The following MBD5 variants were observed in gnomAD, a reference collection of about 807,000 sequenced individuals.
MBD5 encodes methyl-CpG binding domain protein 5.
Under a neutral mutation model 117.3 loss-of-function variants are expected in MBD5, and 13 were observed. The ratio of observed to expected loss-of-function variants is 0.11; its 90% confidence interval spans 0.07 to 0.18. MBD5 has a LOEUF of 0.18. Among genes scored for constraint, MBD5 ranks in the 10% least tolerant of loss-of-function variants. The pLI, the probability that MBD5 is intolerant of heterozygous loss-of-function variation, is 1.00. For missense variants in MBD5, 1,879 were observed against 2,093.8 expected, an observed-to-expected ratio of 0.90 and a Z score of 2.00; for synonymous variants, 727 against 766.4, an observed-to-expected ratio of 0.95 and a Z score of 0.85.
At chr2:148,155,195 T>G (rs897158958) in intron 1 of MBD5, among the ~76,000 whole-genome samples, 1 of 152,178 alleles carries the variant, frequency 6.6e-6, no homozygotes, top group African/African-American at 2.4e-5. Flanking sequence ...CTAAGTAGGA[T>G]GCTTAGGGAA....
chr2:148,185,354 G>A (rs191862202), intron 2 of MBD5, among the ~76,000 whole-genome samples: 1 of 152,062 alleles, frequency 6.6e-6, no homozygotes, highest in African/African-American at 2.4e-5. Context: ...TTTGGAGAGG[G>A]AACCAGACAG....
chr2:148,180,366 ATATG>A (rs1698502398), intron 2 of MBD5, among the ~76,000 whole-genome samples: 1 of 141,816 alleles, frequency 7.1e-6, no homozygotes, highest in African/African-American at 2.6e-5. Flanking sequence ...ATATATGTAT[ATATG>A]TATCTTTTAC....
At chr2:148,510,037 T>C (rs772244468) in intron 12 of MBD5, 23 bp from the exon 13 acceptor site, 15 of 1,525,262 alleles carry the variant, frequency 9.8e-6, no homozygotes, top group Non-Finnish European at 1.4e-5. Flanking sequence ...TTTAATCTGG[T>C]GTGTTGTTTT....
chr2:148,487,008 A>G (rs1390018254), intron 10 of MBD5, among the ~76,000 whole-genome samples: 4 of 152,220 alleles, frequency 2.6e-5, no homozygotes, highest in Admixed American at 2.6e-4. Flanking sequence ...AGTGCAATAT[A>G]ATTTGAGGTG....
chr2:148,427,797 A>G (rs1177861061), intron 4 of MBD5, among the ~76,000 whole-genome samples: 1 of 152,148 alleles, frequency 6.6e-6, no homozygotes, highest in African/African-American at 2.4e-5. Context: ...AATAAAAATA[A>G]AAAAGAATAA....
chr2:148,440,476 G>C (rs1706285388), intron 4 of MBD5, among the ~76,000 whole-genome samples: 1 of 152,132 alleles, frequency 6.6e-6, no homozygotes, highest in East Asian at 1.9e-4. Context: ...AGTTTTGATT[G>C]AATACATGCC....
At position 148,483,618 on chromosome 2, in the gene MBD5, T is replaced by C. The variant is rs1681237605; in HGVS notation, c.3027T>C (p.Asn1009=). The C allele has an allele frequency of 6.4e-7, 1 of 1,552,490 alleles. No individual in the cohort carries two copies. The highest frequency in any genetic ancestry group is 8.7e-7 in the Non-Finnish European group (1 of 1,147,800). The change falls in exon 9 of 14, where the codon AAT becomes AAC. Residue 1009 remains asparagine (N), a synonymous_variant. Coordinates refer to ENST00000642680, the MANE Select transcript of MBD5 (RefSeq NM_001378120.1). The stretch of plus-strand genomic sequence containing the variant: ...CCATGCTTCCCCTGCCATCTTTCAA[T>C]CTGACCATCTCAGATCTTTTGCAAC... The part of the protein sequence containing the change: ...AAAMLPLPSF[N]LTISDLLQQQ...
intron 1 of MBD5, chr2:148,062,281 C>A (rs1695057705): frequency 6.6e-6 from 1 of 151,200 alleles, no homozygotes; most frequent in South Asian, 2.1e-4. Flanking sequence ...TGACAGTAAT[C>A]CCTAGAATCT....
intron 1 of MBD5, among the ~76,000 whole-genome samples, chr2:148,085,991 C>A (rs1205828528): frequency 6.6e-6 from 1 of 152,058 alleles, no homozygotes; most frequent in Non-Finnish European, 1.5e-5. Flanking sequence ...AGCTCAACTT[C>A]CATGATACTG....
At chr2:148,024,976 A>G (rs1693856570) in intron 1 of MBD5, 1 of 152,128 alleles carries the variant, frequency 6.6e-6, no homozygotes, top group Non-Finnish European at 1.5e-5. Context: ...ACAATTATCA[A>G]CTTTCCAGTT....
chr2:148,132,195 C>T (rs1353490429), intron 1 of MBD5, among the ~76,000 whole-genome samples: 1 of 151,890 alleles, frequency 6.6e-6, no homozygotes, highest in Non-Finnish European at 1.5e-5. Context: ...ATAGTCAAAA[C>T]TATTGTTAGA....
At chr2:148,430,558 T>C (rs901313190) in intron 4 of MBD5, among the ~76,000 whole-genome samples, 2 of 152,168 alleles carry the variant, frequency 1.3e-5, no homozygotes, top group Non-Finnish European at 2.9e-5. Context: ...TATTTATCCA[T>C]TTTTGAGAAA....
intron 4 of MBD5, among the ~76,000 whole-genome samples, chr2:148,395,648 C>T (rs1704690429): frequency 6.6e-6 from 1 of 152,148 alleles, no homozygotes; most frequent in South Asian, 2.1e-4. Context: ...TGGTCTCGAA[C>T]TCCTGACCTC....
Position 148,469,846 on chromosome 2 carries a change from G to A in MBD5, c.1903G>A (p.Gly635Ser). Residue 635 changes from glycine (G) to serine (S), a missense_variant, in exon 8 of 14, where the codon GGT becomes AGT. By Grantham distance (56) the Gly-to-Ser change is moderately conservative. Around this residue, in one of 4 missense-constraint regions of MBD5, gnomAD observed 1,666 missense variants for 1,792.2 expected, o/e 0.93. Coordinates refer to ENST00000642680, the MANE Select transcript of MBD5 (RefSeq NM_001378120.1). ...TACTGCCAACATGCTTCTCCCAACAGGTGAAGGGCAAAGTGGTCGAGCAGC... is the reference window on the plus strand; with the variant it reads ...TACTGCCAACATGCTTCTCCCAACAAGTGAAGGGCAAAGTGGTCGAGCAGC... ...PPTANMLLPT[G>S]EGQSGRAALR... The A allele has an allele frequency of 6.2e-7, 1 of 1,613,926 alleles. No homozygotes were observed.
intron 4 of MBD5, among the ~76,000 whole-genome samples, chr2:148,452,940 A>G (rs1039989958): frequency 1.3e-5 from 2 of 152,174 alleles, no homozygotes; most frequent in African/African-American, 4.8e-5. Flanking sequence ...TGTGTTGCTA[A>G]AATTTTATAA....
intron 3 of MBD5, among the ~76,000 whole-genome samples, chr2:148,274,085 A>G (rs1009341233): frequency 6.6e-6 from 1 of 151,798 alleles, no homozygotes; most frequent in African/African-American, 2.4e-5. Flanking sequence ...TTTTTATCAT[A>G]TTCTTATTCT....
chr2:148,037,326 CT>C (rs1321980977), intron 1 of MBD5, among the ~76,000 whole-genome samples: 1 of 151,826 alleles, frequency 6.6e-6, no homozygotes, highest in Non-Finnish European at 1.5e-5. Context: ...GTTCTAAAAT[CT>C]TTTTTGGTAT....
intron 1 of MBD5, among the ~76,000 whole-genome samples, chr2:148,156,833 C>T (rs1697888216): frequency 6.6e-6 from 1 of 152,188 alleles, no homozygotes; most frequent in East Asian, 1.9e-4. Context: ...TGATAGTGCT[C>T]AGCACACTTG....
chr2:148,425,677 G>C (rs533122441), intron 4 of MBD5, among the ~76,000 whole-genome samples: 1 of 152,150 alleles, frequency 6.6e-6, no homozygotes, highest in Admixed American at 6.6e-5. Context: ...ACATCAAAAA[G>C]CTTATCCACC....
Sources: gnomAD v4.1 joint callset for allele counts (sites outside exome capture counted in the v4.1 genomes callset) on GRCh38, gnomAD v4.1.1 for gene constraint, gnomAD v4.1.1 regional missense constraint, MANE v1.5 for transcripts, NCBI Gene and HGNC (gene_info 2026-07-23, HGNC 2026-07-21) for gene names.